Variants in THBS1 observed in about 807,000 individuals in gnomAD.
THBS1 encodes thrombospondin 1, also known as thrombospondin-1.
A neutral mutation model predicts 126.1 loss-of-function variants in THBS1; 29 were observed. The ratio of observed to expected loss-of-function variants is 0.23; its 90% CI spans 0.17 to 0.31. The LOEUF (loss-of-function observed/expected upper bound fraction) is 0.31. Ranked by LOEUF, THBS1 falls within the 10% of genes least tolerant of loss-of-function variation. THBS1 has a pLI of 1.00. For synonymous variants in THBS1, 496 were observed against 577.8 expected, an observed-to-expected ratio of 0.86 and a Z score of 2.03; for missense variants, 1,198 against 1,545.2, an observed-to-expected ratio of 0.78 and a Z score of 3.77.
chr15:39,586,366 G>A (rs950541292), intron 7 of THBS1, among the ~76,000 whole-genome samples: 2 of 152,164 alleles, frequency 1.3e-5, no homozygotes, highest in South Asian at 2.1e-4. Flanking sequence ...TAACATGTGC[G>A]TTAAAAGGAA....
At chr15:39,588,371 C>A in intron 9 of THBS1, 153 bp downstream of exon 9, 1 of 1,296,518 alleles carries the variant, frequency 7.7e-7, no homozygotes, top group Non-Finnish European at 1.0e-6. Context: ...GGCTCAGCAA[C>A]TTCTTTTAAT....
At chr15:39,590,302 C>T (rs1296519340) in intron 13 of THBS1, among the ~76,000 whole-genome samples, 2 of 152,140 alleles carry the variant, frequency 1.3e-5, no homozygotes, top group African/African-American at 2.4e-5. Context: ...GACTTGTGTT[C>T]ACAACATCTA....
At position 39,582,312 on chromosome 15, in the gene THBS1, G is replaced by T. The variant is rs1269452058; in HGVS notation, c.187G>T (p.Asp63Tyr). 1 of 1,614,090 alleles carries T rather than the reference G, an allele frequency of 6.2e-7. No individual in the cohort carries two copies. The highest frequency in any genetic ancestry group is 8.5e-7 in the Non-Finnish European group (1 of 1,180,042). Residue 63 changes from aspartate (D) to tyrosine (Y), a missense_variant, in exon 3 of 22, where the codon GAT becomes TAT. Coordinates refer to ENST00000260356, the MANE Select transcript of THBS1 (RefSeq NM_003246.4). The part of the protein sequence containing the change: ...DPSSPAFRIE[D>Y]ANLIPPVPDD... ...TTCCAGCCCAGCTTTCCGCATCGAGGATGCCAACCTGATCCCCCCTGTGCC... is the reference window on the plus strand; with the variant it reads ...TTCCAGCCCAGCTTTCCGCATCGAGTATGCCAACCTGATCCCCCCTGTGCC...
Position 39,594,467 on chromosome 15 carries a change from C to T in THBS1, c.3505+27C>T. 1 of 1,610,444 alleles carries T rather than the reference C, an allele frequency of 6.2e-7. No homozygotes were observed. Among genetic ancestry groups the T allele is most frequent in the Non-Finnish European group, 8.5e-7 (1 of 1,178,400 alleles). ...TAAGAGCAACATCACCATGAATGTA[C>T]ACTGGACATCTCTATTTCAGACTAA... On this transcript the variant is annotated intron_variant, in intron 21 of 21. Transcript: ENST00000260356. This position sits in a 1 kb window ranked among gnomAD's most constrained non-coding sequence, Gnocchi z 4.4.
At position 39,591,490 on chromosome 15, in the gene THBS1, C is replaced by T; in HGVS notation, c.2414-15C>T. The T allele has an allele frequency of 6.2e-7, 1 of 1,613,728 alleles. No homozygotes were observed. Among genetic ancestry groups the T allele is most frequent in the Non-Finnish European group, 8.5e-7 (1 of 1,179,684 alleles). On this transcript the variant is annotated splice_polypyrimidine_tract_variant and intron_variant, in intron 15 of 21. Coordinates refer to ENST00000260356, the MANE Select transcript of THBS1 (RefSeq NM_003246.4). ...CTGGAGAGCCCAGCTCTTATTTGTC[C>T]CTTGTTCTCTTCAGGTATCCTCAAT...
intron 1 of THBS1, 190 bp from the exon 2 acceptor site, chr15:39,581,639 C>CGT: frequency 2.7e-6 from 1 of 363,912 alleles, no homozygotes; most frequent in Non-Finnish European, 4.8e-6. Flanking sequence ...CTTTCCTCCA[C>CGT]CTCTCTCTCT....
chr15:39,593,152 G>T lies in THBS1; in HGVS notation c.2920G>T (p.Asp974Tyr). ...PLDPKGTSQN[D>Y]PNWVVRHQGK... ...GGACCCCAAAGGGACATCCCAAAAT[G>T]ACCCTAACTGGGTTGTACGCCATCA... Residue 974 changes from aspartate to tyrosine, a missense_variant, in exon 18 of 22, where the codon GAC becomes TAC. By Grantham distance (160) the Asp-to-Tyr change is radical. Around this residue, in one of 4 missense-constraint regions of THBS1, gnomAD observed 255 missense variants for 373.9 expected, o/e 0.68. Coordinates refer to ENST00000260356, the MANE Select transcript of THBS1 (RefSeq NM_003246.4). This position sits in a 1 kb window ranked among gnomAD's most constrained non-coding sequence, Gnocchi z 5.9. The T allele has an allele frequency of 6.2e-7, 1 of 1,604,426 alleles. No individual in the cohort carries two copies. Among genetic ancestry groups the T allele is most frequent in the Non-Finnish European group, 8.5e-7 (1 of 1,176,284 alleles).
At position 39,596,569 on chromosome 15, in the gene THBS1, A is replaced by C. The variant is rs1006385891; in HGVS notation, c.*1200A>C. ...AGGCTTCATACGGAAAGTGTTTGAGAGCAAGTAGTTGACATTTATCAGCAA... is the reference window on the plus strand; with the variant it reads ...AGGCTTCATACGGAAAGTGTTTGAGCGCAAGTAGTTGACATTTATCAGCAA... On this transcript the variant is annotated 3_prime_UTR_variant, in exon 22 of 22. Coordinates refer to ENST00000260356, the MANE Select transcript of THBS1 (RefSeq NM_003246.4). 19 of 152,230 alleles carry C rather than the reference A, an allele frequency of 1.2e-4. No individual in the cohort carries two copies. The highest frequency in any genetic ancestry group is 4.6e-4 in the African/African-American group (19 of 41,462). 9.4% of individuals were successfully genotyped at this position (152,230 alleles called of 1,614,324 possible). A position where few individuals can be genotyped will look rare whatever the true frequency, so the allele number is the denominator to read the frequency against.
Position 39,584,166 on chromosome 15 carries a change from G to A in THBS1, c.882G>A (p.Leu294=), listed in dbSNP as rs2140343931. The A allele has an allele frequency of 6.2e-7, 1 of 1,614,136 alleles. No individual in the cohort carries two copies. Among genetic ancestry groups the A allele is most frequent in the East Asian group, 2.2e-5 (1 of 44,882 alleles). The part of the protein sequence containing the change: ...LRGLRTIVTT[L]QDSIRKVTEE... ...GCCTGCGCACCATTGTGACCACGCTGCAGGACAGCATCCGCAAAGTGGTCA... is the reference window on the plus strand; with the variant it reads ...GCCTGCGCACCATTGTGACCACGCTACAGGACAGCATCCGCAAAGTGGTCA... The change falls in exon 5 of 22, where the codon CTG becomes CTA. Residue 294 remains leucine (L), a synonymous_variant. Coordinates refer to ENST00000260356, the MANE Select transcript of THBS1 (RefSeq NM_003246.4).
Position 39,589,805 on chromosome 15 carries a change from G to C in THBS1, c.1927G>C (p.Val643Leu), listed in dbSNP as rs754884985. 1.2e-6 allele frequency: 2 copies of C among 1,605,668 alleles called. No individual in the cohort carries two copies. Among genetic ancestry groups the C allele is most frequent in the East Asian group, 2.2e-5 (1 of 44,788 alleles). The change falls in exon 13 of 22, where the codon GTG becomes CTG. Residue 643 changes from valine to leucine, a missense_variant and splice_region_variant. Physicochemically the swap from Val to Leu is conservative, Grantham distance 32. Around this residue, in one of 4 missense-constraint regions of THBS1, gnomAD observed 663 missense variants for 860.1 expected, o/e 0.77. Coordinates refer to ENST00000260356, the MANE Select transcript of THBS1 (RefSeq NM_003246.4). This position sits in a 1 kb window ranked among gnomAD's most constrained non-coding sequence, Gnocchi z 4.7. ...GVEHATANKQ[V>L]CKPRNPCTDG... ...TAACAGCAGCATGGTGTACCCTCAGGTGTGCAAGCCCCGTAACCCCTGCAC... is the reference window on the plus strand; with the variant it reads ...TAACAGCAGCATGGTGTACCCTCAGCTGTGCAAGCCCCGTAACCCCTGCAC...
Position 39,594,210 on chromosome 15 carries a change from G to T in THBS1, c.3365+14G>T, listed in dbSNP as rs953784030. The T allele has an allele frequency of 6.2e-7, 1 of 1,613,910 alleles. No individual in the cohort carries two copies. Among genetic ancestry groups the T allele is most frequent in the African/African-American group, 1.3e-5 (1 of 74,912 alleles). On this transcript the variant is annotated intron_variant, in intron 20 of 21. Transcript: ENST00000260356. This position sits in a 1 kb window ranked among gnomAD's most constrained non-coding sequence, Gnocchi z 4.4. ...GGGTTTCATTAGGTACGATCATACT[G>T]ATTCACTTTCACTTACAGTCACACT...
chr15:39,593,274 G>GA lies in THBS1; in HGVS notation c.2995+52dup, dbSNP rs774274472. On this transcript the variant is annotated intron_variant, in intron 18 of 21. Coordinates refer to ENST00000260356, the MANE Select transcript of THBS1 (RefSeq NM_003246.4). This position sits in a 1 kb window ranked among gnomAD's most constrained non-coding sequence, Gnocchi z 5.9. ...CCTAAGAGACTGATGCATACATGGG[G>GA]AAAAACAAATATAAAACCTGGCAGT... 2.4e-5 allele frequency: 38 copies of GA among 1,611,306 alleles called. No homozygotes were observed. The highest frequency in any genetic ancestry group is 5.0e-5 in the Admixed American group (3 of 59,988).
In THBS1 at chr15:39,594,304, G is replaced by T; in HGVS notation, c.3369G>T (p.Val1123=). 1 of 1,614,150 alleles carries T rather than the reference G, an allele frequency of 6.2e-7. No individual in the cohort carries two copies. ...SHRPKTGFIR[V]VMYEGKKIMA... Reference sequence around the variant, plus strand: ...ACAAGATTTTTTTTCCCTGCAGAGTGGTGATGTATGAAGGGAAGAAAATCA... The same window carrying T: ...ACAAGATTTTTTTTCCCTGCAGAGTTGTGATGTATGAAGGGAAGAAAATCA... The change falls in exon 21 of 22, where the codon GTG becomes GTT. Residue 1123 remains valine, a synonymous_variant. Transcript: ENST00000260356. This position sits in a 1 kb window ranked among gnomAD's most constrained non-coding sequence, Gnocchi z 4.4.
intron 6 of THBS1, 124 bp downstream of exon 6, chr15:39,584,546 T>G (rs1039077231): frequency 4.5e-6 from 6 of 1,346,340 alleles, no homozygotes; most frequent in Non-Finnish European, 6.0e-6. Context: ...ACAAAGTGTT[T>G]TTTTTTTCTT....
chr15:39,593,366 G>C lies in THBS1; in HGVS notation c.2996-31G>C. ...ATGGAGAACCTTCTGAAGGCTGCAG[G>C]TTTTAACCTGGCTCTGGGCTCTTCT... On this transcript the variant is annotated intron_variant, in intron 18 of 21. Coordinates refer to ENST00000260356, the MANE Select transcript of THBS1 (RefSeq NM_003246.4). This position sits in a 1 kb window ranked among gnomAD's most constrained non-coding sequence, Gnocchi z 5.9. 1 of 1,613,324 alleles carries C rather than the reference G, an allele frequency of 6.2e-7. No individual in the cohort carries two copies. Among genetic ancestry groups the C allele is most frequent in the East Asian group, 2.2e-5 (1 of 44,880 alleles).
At chr15:39,591,391 A>T in intron 15 of THBS1, 41 bp downstream of exon 15, 2 of 1,599,736 alleles carry the variant, frequency 1.3e-6, no homozygotes, top group Non-Finnish European at 1.7e-6. Flanking sequence ...GGAGACAGGG[A>T]CATGCACAGC....
Position 39,587,613 on chromosome 15 carries a change from G to A in THBS1, c.1294+93G>A, listed in dbSNP as rs1435148503. On this transcript the variant is annotated intron_variant, in intron 8 of 21. Transcript: ENST00000260356. ...TCCACAGCATGTATATTAAGAACAC[G>A]GGTTCTAGGATCTCTGGATCCCAAT... 1.5e-5 allele frequency: 20 copies of A among 1,316,982 alleles called. No individual in the cohort carries two copies. In the South Asian group the frequency reaches 1.6e-4, roughly 11 times the overall value. 81.6% of individuals were successfully genotyped at this position (1,316,982 alleles called of 1,614,324 possible).
chr15:39,581,254 G>T, intron 1 of THBS1, 26 bp downstream of exon 1: 1 of 153,350 alleles, frequency 6.5e-6, no homozygotes, highest in South Asian at 1.9e-4. Context: ...CGGCCGCCGA[G>T]GACCAAAGCT....
rs372165170 is a variant in THBS1 at position 39,589,079 on chromosome 15, T to C, written c.1766T>C (p.Val589Ala). The change falls in exon 11 of 22, where the codon GTT (valine) becomes GCT (alanine). Residue 589 changes from valine (V) to alanine (A), a missense_variant. Physicochemically the swap from Val to Ala is moderately conservative, Grantham distance 64. Coordinates refer to ENST00000260356, the MANE Select transcript of THBS1 (RefSeq NM_003246.4). This position sits in a 1 kb window ranked among gnomAD's most constrained non-coding sequence, Gnocchi z 4.7. ...YSGNGIQCTD[V>A]DECKEVPDAC... is the part of the protein sequence containing the mutation. The stretch of plus-strand genomic sequence containing the variant: ...GGAAATGGCATCCAGTGCACAGATG[T>C]TGATGAGGTGAGGAACTGATGGGGC... 2 of 1,613,960 alleles carry C rather than the reference T, an allele frequency of 1.2e-6. No homozygotes were observed. Among genetic ancestry groups the C allele is most frequent in the East Asian group, 4.5e-5 (2 of 44,888 alleles).
Sources: allele counts gnomAD v4.1 joint callset (sites outside exome capture counted in the v4.1 genomes callset), GRCh38; gene constraint gnomAD v4.1.1; regional missense constraint gnomAD v4.1.1; non-coding constraint Gnocchi (gnomAD v3.1); transcripts MANE v1.5; gene names NCBI Gene and HGNC (gene_info 2026-07-23, HGNC 2026-07-21).